Variants in TRIM14 observed in about 807,000 individuals in gnomAD.
TRIM14 encodes the protein tripartite motif containing 14.
A neutral mutation model predicts 44.5 loss-of-function variants in TRIM14; 28 were observed. The ratio of observed to expected loss-of-function variants is 0.63; its 90% CI spans 0.47 to 0.86. The LOEUF (loss-of-function observed/expected upper bound fraction) is 0.86, where lower values mean the gene tolerates loss of function less well. Among genes scored for constraint, TRIM14 ranks in the 40% least tolerant of loss-of-function variants. TRIM14 has a pLI of 0.00. For missense variants in TRIM14, 607 were observed against 611.1 expected (o/e 0.99, Z 0.07); for synonymous variants, 299 against 269.2 (o/e 1.11, Z -1.08).
At chr9:98,038,347 C>T in the TRIM14 span, among the ~76,000 whole-genome samples, 10 of 152,002 alleles carry the variant, frequency 6.6e-5, no homozygotes, top group Non-Finnish European at 1.5e-4. Flanking sequence ...CTACCAAGCC[C>T]GGCCTAATTT....
intron 6 of TRIM14, among the ~76,000 whole-genome samples, chr9:98,070,831 G>A (rs1829307843): frequency 6.7e-6 from 1 of 150,272 alleles, no homozygotes; most frequent in African/African-American, 2.4e-5. Context: ...TTGAGACAGG[G>A]TCTCACTCTG....
chr9:98,087,001 C>T lies in TRIM14; in HGVS notation c.*469G>A, dbSNP rs1049816366. The T allele has an allele frequency of 7.3e-6, 2 of 274,684 alleles. No individual in the cohort carries two copies. Among genetic ancestry groups the T allele is most frequent in the Non-Finnish European group, 1.4e-5 (2 of 138,726 alleles). 17.0% of individuals were successfully genotyped at this position (274,684 alleles called of 1,614,324 possible). A position where few individuals can be genotyped will look rare whatever the true frequency, so the allele number is the denominator to read the frequency against. On this transcript the variant is annotated 3_prime_UTR_variant, in exon 6 of 6. Coordinates refer to ENST00000341469, the MANE Select transcript of TRIM14 (RefSeq NM_014788.4). ...AGCTGTGATGTGGACACGCTGAAAT[C>T]GGTGGGGAGGAAGCGGAAGATTCAA... is the stretch of plus-strand genomic sequence containing the variant.
At chr9:98,082,361 C>A (rs1316155079), downstream of TRIM14, among the ~76,000 whole-genome samples, 2 of 152,176 alleles carry the variant, frequency 1.3e-5, no homozygotes, top group Non-Finnish European at 2.9e-5. Flanking sequence ...CTGTCTGCAA[C>A]CCTGGCCAAG....
Position 98,086,254 on chromosome 9 carries a change from C to G in TRIM14, c.*1216G>C, listed in dbSNP as rs1424175991. 1.3e-5 allele frequency: 2 copies of G among 152,250 alleles called. No individual in the cohort carries two copies. Among genetic ancestry groups the G allele is most frequent in the Admixed American group, 6.5e-5 (1 of 15,272 alleles). 9.4% of individuals were successfully genotyped at this position (152,250 alleles called of 1,614,324 possible). On this transcript the variant is annotated 3_prime_UTR_variant, in exon 6 of 6. Transcript: ENST00000341469. ...TTGAAAGCTGGGCCTAAGGGCTGGGCCAGGGGACAGGTCAGATGCTTGCCT... is the reference window on the plus strand; with the variant it reads ...TTGAAAGCTGGGCCTAAGGGCTGGGGCAGGGGACAGGTCAGATGCTTGCCT...
At chr9:98,080,874 T>C (rs1829821807), downstream of TRIM14, 4 of 1,613,800 alleles carry the variant, frequency 2.5e-6, no homozygotes, top group African/African-American at 1.3e-5. Context: ...GAAACAGGCA[T>C]AGCGATATCT....
the TRIM14 span, among the ~76,000 whole-genome samples, chr9:98,045,990 G>A: frequency 9.2e-5 from 14 of 152,242 alleles, no homozygotes; most frequent in South Asian, 2.9e-3. Context: ...TAATTAACTG[G>A]CTTGGATCCA....
intron 5 of TRIM14, among the ~76,000 whole-genome samples, chr9:98,089,928 AG>A (rs1825937007): frequency 6.6e-6 from 1 of 152,230 alleles, no homozygotes; most frequent in Admixed American, 6.5e-5. Flanking sequence ...TCTTTATACC[AG>A]ACCTCGCTCT....
At chr9:98,092,553 T>C (rs1160847156) in intron 4 of TRIM14, 7 of 359,272 alleles carry the variant, frequency 1.9e-5, no homozygotes, top group African/African-American at 1.3e-4. Flanking sequence ...CAGGGGCCTG[T>C]AGAGATCTGT....
the TRIM14 span, among the ~76,000 whole-genome samples, chr9:98,061,634 G>T: frequency 6.6e-6 from 1 of 150,556 alleles, no homozygotes; most frequent in Non-Finnish European, 1.5e-5. Context: ...CAAAAAATTA[G>T]CTGGGCGTGG....
At chr9:98,041,768 C>T in the TRIM14 span, among the ~76,000 whole-genome samples, 2 of 151,536 alleles carry the variant, frequency 1.3e-5, no homozygotes, top group East Asian at 2.0e-4. Flanking sequence ...CTGCAAGTTC[C>T]GCCTCCCAGG....
intron 6 of TRIM14, chr9:98,078,137 G>C (rs754808486): frequency 1.2e-6 from 2 of 1,609,920 alleles, no homozygotes; most frequent in Non-Finnish European, 1.7e-6. Flanking sequence ...ATGTGTTGGG[G>C]AGAGTCAGAA....
intron 6 of TRIM14, among the ~76,000 whole-genome samples, chr9:98,070,265 A>G (rs4743159): frequency 0.3 from 45,701 of 151,782 alleles, 8,780 homozygotes; most frequent in African/African-American, 0.54. Context: ...CTACAGGTGT[A>G]TGCCACCATG....
In TRIM14 at chr9:98,087,921, A is replaced by G; in HGVS notation, c.878T>C (p.Leu293Pro). 1.3e-6 allele frequency: 2 copies of G among 1,566,206 alleles called. No homozygotes were observed. Among genetic ancestry groups the G allele is most frequent in the Non-Finnish European group, 1.7e-6 (2 of 1,166,360 alleles). ...GGGCACGGGCCCCAGGCTGCCCAGC[A>G]GGCCGCAGCGCACCGTCAGGCGATC... is the stretch of plus-strand genomic sequence containing the variant. ...SADRLTVRCG[L>P]LGSLGPVPVL... Residue 293 changes from leucine (L) to proline (P), a missense_variant, in exon 6 of 6, where the codon CTG becomes CCG. This residue lies in a region of TRIM14 where 356 missense variants were observed against 323.0 expected (regional missense o/e 1.10). Coordinates refer to ENST00000341469, the MANE Select transcript of TRIM14 (RefSeq NM_014788.4).
chr9:98,056,699 C>T, the TRIM14 span: 8 of 1,440,352 alleles, frequency 5.6e-6, no homozygotes, highest in African/African-American at 7.4e-5. Flanking sequence ...GCTGACGTGG[C>T]GGGGCTGGCG....
chr9:98,095,101 C>G lies in TRIM14; in HGVS notation c.538-72G>C. On this transcript the variant is annotated intron_variant, in intron 3 of 5. Coordinates refer to ENST00000341469, the MANE Select transcript of TRIM14 (RefSeq NM_014788.4). This position sits in a 1 kb window ranked among gnomAD's most constrained non-coding sequence, Gnocchi z 4.1. ...GCATCCCAGCCTCCTGTGCTGCACC[C>G]AGGAACAAACCCACACCAGCATGCC... 5.9e-6 allele frequency: 9 copies of G among 1,530,244 alleles called. No homozygotes were observed. Among genetic ancestry groups the G allele is most frequent in the Non-Finnish European group, 7.9e-6 (9 of 1,142,530 alleles). 94.8% of individuals were successfully genotyped at this position (1,530,244 alleles called of 1,614,324 possible). A position where few individuals can be genotyped will look rare whatever the true frequency, so the allele number is the denominator to read the frequency against.
At chr9:98,037,164 G>A in the TRIM14 span, among the ~76,000 whole-genome samples, 1 of 152,110 alleles carries the variant, frequency 6.6e-6, no homozygotes, top group African/African-American at 2.4e-5. Context: ...GATCACTTGA[G>A]GTCAGGGGTT....
At chr9:98,035,990 T>C in the TRIM14 span, among the ~76,000 whole-genome samples, 1 of 150,358 alleles carries the variant, frequency 6.7e-6, no homozygotes, top group Non-Finnish European at 1.5e-5. Flanking sequence ...GTGGGTGGAT[T>C]ACGAGGTCAG....
chr9:98,088,917 TTG>T (rs950252339), intron 5 of TRIM14, among the ~76,000 whole-genome samples: 2 of 108,944 alleles, frequency 1.8e-5, no homozygotes, highest in African/African-American at 1.4e-4. Flanking sequence ...GAAGTTTTTT[TTG>T]TTGTTGTTGT....
At chr9:98,105,329 C>T (rs1207879224) in intron 2 of TRIM14, among the ~76,000 whole-genome samples, 3 of 152,214 alleles carry the variant, frequency 2.0e-5, no homozygotes, top group Non-Finnish European at 4.4e-5. Context: ...GACAGAGGGG[C>T]TGAGCCCCGC....
Sources: allele counts gnomAD v4.1 joint callset (sites outside exome capture counted in the v4.1 genomes callset), GRCh38; gene constraint gnomAD v4.1.1; regional missense constraint gnomAD v4.1.1; non-coding constraint Gnocchi (gnomAD v3.1); transcripts MANE v1.5; gene names NCBI Gene and HGNC (gene_info 2026-07-23, HGNC 2026-07-21).